Variants in PRKCB observed in about 807,000 individuals in gnomAD.
PRKCB encodes the protein protein kinase C beta type.
Under a neutral mutation model 81.5 loss-of-function variants are expected in PRKCB, and 13 were observed. The ratio of observed to expected loss-of-function variants is 0.16; its 90% CI spans 0.10 to 0.25. The LOEUF (loss-of-function observed/expected upper bound fraction) is 0.25. PRKCB is among the 10% of genes least tolerant of loss of function. PRKCB has a pLI of 1.00. For missense variants in PRKCB, 509 were observed against 875.7 expected (o/e 0.58, Z 5.29); for synonymous variants, 335 against 321.4 (o/e 1.04, Z -0.45).
chr16:23,897,891 A>G (rs1255548764), intron 2 of PRKCB, among the ~76,000 whole-genome samples: 1 of 151,204 alleles, frequency 6.6e-6, no homozygotes, highest in Admixed American at 6.6e-5. Flanking sequence ...TATATTATTT[A>G]TGTTATTTAT....
chr16:23,908,896 A>C (rs1326722658), intron 2 of PRKCB, among the ~76,000 whole-genome samples: 2 of 152,224 alleles, frequency 1.3e-5, no homozygotes, highest in Non-Finnish European at 2.9e-5. Flanking sequence ...CAAAAGGAAG[A>C]GAGTGAAGAA....
intron 2 of PRKCB, among the ~76,000 whole-genome samples, chr16:23,894,863 C>T (rs1963351662): frequency 6.6e-6 from 1 of 152,010 alleles, no homozygotes; most frequent in African/African-American, 2.4e-5. Flanking sequence ...AATTTGTCTG[C>T]CATTTACTCT....
intron 3 of PRKCB, among the ~76,000 whole-genome samples, chr16:24,021,029 T>TTTCG (rs1965364464): frequency 7.0e-6 from 1 of 142,306 alleles, no homozygotes; most frequent in Non-Finnish European, 1.5e-5. Context: ...TCTTTCTTTC[T>TTTCG]TTCTTTCTTT....
At chr16:24,187,784 T>G (rs375537083) in intron 15 of PRKCB, among the ~76,000 whole-genome samples, 1 of 152,304 alleles carries the variant, frequency 6.6e-6, no homozygotes, top group East Asian at 1.9e-4. Flanking sequence ...GCTCAAGGGA[T>G]CCTCCTGCCT....
chr16:24,005,824 C>T (rs1407421416), intron 3 of PRKCB, among the ~76,000 whole-genome samples: 7 of 152,194 alleles, frequency 4.6e-5, no homozygotes, highest in South Asian at 2.1e-4. Context: ...AGTAAAGCAA[C>T]GTAACAGTCA....
chr16:24,039,529 T>C (rs1397435338), intron 5 of PRKCB, among the ~76,000 whole-genome samples: 1 of 152,214 alleles, frequency 6.6e-6, no homozygotes, highest in Non-Finnish European at 1.5e-5. Flanking sequence ...TGTGCCGGCC[T>C]AAATGTCTGT....
rs1015587585 is a variant in PRKCB at position 24,216,802 on chromosome 16, G to A, written c.*1986G>A. 3 of 985,496 alleles carry A rather than the reference G, an allele frequency of 3.0e-6. No homozygotes were observed. The highest frequency in any genetic ancestry group is 3.6e-6 in the Non-Finnish European group (3 of 829,952). 61.0% of individuals were successfully genotyped at this position (985,496 alleles called of 1,614,324 possible). A position where few individuals can be genotyped will look rare whatever the true frequency, so the allele number is the denominator to read the frequency against. ...CGGAGCAAAGCTCCCTCACTTTATT[G>A]TTGAGAAACTGGCATCTGGAAAGAG... On this transcript the variant is annotated 3_prime_UTR_variant, in exon 17 of 17. Transcript: ENST00000643927.
chr16:23,925,677 A>G (rs1277414417), intron 2 of PRKCB, among the ~76,000 whole-genome samples: 1 of 152,084 alleles, frequency 6.6e-6, no homozygotes, highest in East Asian at 1.9e-4. Flanking sequence ...CAATTTTGTT[A>G]CATGGATATG....
At chr16:23,874,963 T>G (rs1182323862) in intron 2 of PRKCB, among the ~76,000 whole-genome samples, 1 of 152,148 alleles carries the variant, frequency 6.6e-6, no homozygotes, top group Admixed American at 6.6e-5. Flanking sequence ...TACATCTGTC[T>G]TCCAGCCTGA....
In PRKCB at chr16:24,032,174, C is replaced by T. The variant is rs771951442; in HGVS notation, c.327C>T (p.Tyr109=). 1 of 1,613,840 alleles carries T rather than the reference C, an allele frequency of 6.2e-7. No individual in the cohort carries two copies. The highest frequency in any genetic ancestry group is 8.5e-7 in the Non-Finnish European group (1 of 1,179,900). The change falls in exon 4 of 17, where the codon TAC becomes TAT. Residue 109 remains tyrosine (Y), a synonymous_variant. Transcript: ENST00000643927. ...AACACAAGTTTAAGATCCACACGTA[C>T]TCCAGCCCCACGTTTTGTGACCACT... ...RSKHKFKIHT[Y]SSPTFCDHCG...
chr16:23,992,533 T>A (rs1241857346), intron 3 of PRKCB, among the ~76,000 whole-genome samples: 1 of 152,200 alleles, frequency 6.6e-6, no homozygotes, highest in East Asian at 1.9e-4. Flanking sequence ...TTTGGAAAAC[T>A]AAGGCATATA....
At chr16:23,995,547 C>T (rs957716778) in intron 3 of PRKCB, among the ~76,000 whole-genome samples, 1 of 152,124 alleles carries the variant, frequency 6.6e-6, no homozygotes, top group Non-Finnish European at 1.5e-5. Context: ...TGGAAACTGA[C>T]GATTTGACCA....
chr16:24,019,852 T>G (rs963410236), intron 3 of PRKCB, among the ~76,000 whole-genome samples: 6 of 152,168 alleles, frequency 3.9e-5, no homozygotes, highest in African/African-American at 1.4e-4. Context: ...AGTCTTCCAT[T>G]ATGTGGCTAC....
Position 23,914,003 on chromosome 16 carries a change from G to GT in PRKCB, c.206-74495dup, listed in dbSNP as rs113277685. ...GTATGTGAAAATATCCCCAAGCTGT[G>GT]TTTTTTTTTTCTTTTCTTTTGGGGC... On this transcript the variant is annotated intron_variant, in intron 2 of 16. Coordinates refer to ENST00000643927, the MANE Select transcript of PRKCB (RefSeq NM_002738.7). Among the ~76,000 whole-genome samples, 123 of 149,520 alleles carry GT rather than the reference G, an allele frequency of 8.2e-4. 1 individual carries two copies. Among genetic ancestry groups the GT allele is most frequent in the Middle Eastern group, 3.4e-3 (1 of 292 alleles).
intron 3 of PRKCB, among the ~76,000 whole-genome samples, chr16:24,008,829 T>C (rs1317351065): frequency 6.6e-6 from 1 of 152,236 alleles, no homozygotes; most frequent in Non-Finnish European, 1.5e-5. Flanking sequence ...TGAAACTTGA[T>C]GCCCATTGGT....
intron 2 of PRKCB, among the ~76,000 whole-genome samples, chr16:23,958,455 C>G (rs189134457): frequency 1.9e-3 from 286 of 152,186 alleles, no homozygotes; most frequent in African/African-American, 6.5e-3. Flanking sequence ...CAGGCACCCA[C>G]CACCATGCCC....
At chr16:24,053,884 A>G (rs949814854) in intron 5 of PRKCB, among the ~76,000 whole-genome samples, 4 of 152,216 alleles carry the variant, frequency 2.6e-5, no homozygotes, top group African/African-American at 9.6e-5. Flanking sequence ...GCTGAGGGCT[A>G]TGTGATTCTT....
intron 5 of PRKCB, among the ~76,000 whole-genome samples, chr16:24,048,962 G>A (rs1262813950): frequency 6.7e-6 from 1 of 149,344 alleles, no homozygotes; most frequent in Non-Finnish European, 1.5e-5. Flanking sequence ...CTTCCTGCTA[G>A]CCTGTTTTGC....
chr16:23,882,030 C>CTTCCTTCCTTCCTTCCTTCA (rs1963129267), intron 2 of PRKCB, among the ~76,000 whole-genome samples: 1 of 46,134 alleles, frequency 2.2e-5, no homozygotes, highest in Non-Finnish European at 5.2e-5. Flanking sequence ...TTCTTCCTTC[C>CTTCCTTCCTTCCTTCCTTCA]TTCCTTCCTT....
Sources: gnomAD v4.1 joint callset for allele counts (sites outside exome capture counted in the v4.1 genomes callset) on GRCh38, gnomAD v4.1.1 for gene constraint, MANE v1.5 for transcripts, NCBI Gene and HGNC (gene_info 2026-07-23, HGNC 2026-07-21) for gene names.